Variants in RBFOX1 observed in about 807,000 individuals in gnomAD.
RBFOX1 encodes the protein RNA binding fox-1 homolog 1.
RBFOX1 carries 8 observed loss-of-function variants against 57.7 expected under a neutral mutation model. That is an observed-to-expected ratio of 0.14 (90% confidence interval 0.08 to 0.25). RBFOX1 has a LOEUF of 0.25. Ranked by LOEUF, RBFOX1 falls within the 10% of genes least tolerant of loss-of-function variation. The probability of loss-of-function intolerance (pLI) is 1.00; values close to 1 mark genes in which losing one functional copy is unlikely to be tolerated. For synonymous variants in RBFOX1, 326 were observed against 222.4 expected (o/e 1.47, Z -4.15); for missense variants, 611 against 548.5 (o/e 1.11, Z -1.14).
intron 4 of RBFOX1, among the ~76,000 whole-genome samples, chr16:7,379,264 T>C (rs977161021): frequency 9.9e-5 from 15 of 152,226 alleles, no homozygotes; most frequent in Admixed American, 3.3e-4. Flanking sequence ...AAGAGTTTCA[T>C]TGGTAACTGT....
intron 4 of RBFOX1, among the ~76,000 whole-genome samples, chr16:7,121,457 C>G (rs1452979656): frequency 1.3e-5 from 2 of 151,868 alleles, no homozygotes; most frequent in Admixed American, 6.6e-5. Flanking sequence ...AACTTAAAAA[C>G]AAACCATTTA....
chr16:7,001,588 C>G (rs976212766), intron 3 of RBFOX1, among the ~76,000 whole-genome samples: 2 of 152,102 alleles, frequency 1.3e-5, no homozygotes, highest in African/African-American at 4.8e-5. Context: ...TCCCGAGTAG[C>G]TGGGATTACA....
intron 4 of RBFOX1, among the ~76,000 whole-genome samples, chr16:7,233,363 TTC>T (rs2093609422): frequency 2.0e-5 from 3 of 152,216 alleles, no homozygotes; most frequent in African/African-American, 7.2e-5. Context: ...TGACATGTTA[TTC>T]ACGTGCTTCC....
chr16:7,653,801 C>CTCG lies in RBFOX1; in HGVS notation c.758-12_758-11insGTC. ...AGCCTGTGCTCTCTCTCTCTCTCTC[C>CTCG]TCTTGCCCCGCAGTGCCAGGCTTCC... On this transcript the variant is annotated splice_polypyrimidine_tract_variant and intron_variant, in intron 11 of 15. Transcript: ENST00000550418. The CTCG allele has an allele frequency of 6.3e-7, 1 of 1,583,178 alleles. No homozygotes were observed. Among genetic ancestry groups the CTCG allele is most frequent in the Non-Finnish European group, 8.6e-7 (1 of 1,163,272 alleles).
intron 4 of RBFOX1, among the ~76,000 whole-genome samples, chr16:7,445,516 A>C (rs2098801060): frequency 6.6e-6 from 1 of 152,216 alleles, no homozygotes; most frequent in African/African-American, 2.4e-5. Context: ...TACAGCATCA[A>C]ATAGGAGTGA....
chr16:6,848,153 T>C (rs971844796), intron 3 of RBFOX1, among the ~76,000 whole-genome samples: 1 of 151,932 alleles, frequency 6.6e-6, no homozygotes, highest in African/African-American at 2.4e-5. Flanking sequence ...TAATGCTGTG[T>C]TACCCCACAA....
chr16:6,916,815 T>C (rs2073283659), intron 3 of RBFOX1, among the ~76,000 whole-genome samples: 1 of 152,142 alleles, frequency 6.6e-6, no homozygotes, highest in Non-Finnish European at 1.5e-5. Flanking sequence ...AAGTTTGAAT[T>C]TGTACCTTGA....
intron 14 of RBFOX1, among the ~76,000 whole-genome samples, chr16:7,691,349 A>C (rs2077274092): frequency 6.6e-6 from 1 of 151,566 alleles, no homozygotes; most frequent in Non-Finnish European, 1.5e-5. Context: ...ATAAAATAAA[A>C]ATCAATACAC....
At chr16:7,641,668 G>C (rs1390535457) in intron 11 of RBFOX1, among the ~76,000 whole-genome samples, 1 of 152,112 alleles carries the variant, frequency 6.6e-6, no homozygotes, top group African/African-American at 2.4e-5. Flanking sequence ...CCTTTCTCTG[G>C]CAAGTCCTAA....
chr16:6,732,337 G>C (rs577755658), intron 3 of RBFOX1, among the ~76,000 whole-genome samples: 4 of 152,180 alleles, frequency 2.6e-5, no homozygotes, highest in Non-Finnish European at 5.9e-5. Context: ...AGATTCTCAC[G>C]AGAGAGTGAG....
At chr16:7,582,691 G>A (rs1211675609) in intron 6 of RBFOX1, among the ~76,000 whole-genome samples, 6 of 152,146 alleles carry the variant, frequency 3.9e-5, no homozygotes, top group Non-Finnish European at 7.3e-5. Flanking sequence ...TACTTCTCAC[G>A]TTATTTGGAC....
rs951347551 is a variant in RBFOX1, at chr16:7,043,098, G to T, written c.-15-8959G>T. ...TTGACTGTGCCATTCACGGTATCTTGTTTCTGTATCCTTGGGGAGGTCCTC... is the reference window on the plus strand; with the variant it reads ...TTGACTGTGCCATTCACGGTATCTTTTTTCTGTATCCTTGGGGAGGTCCTC... On this transcript the variant is annotated intron_variant, in intron 3 of 15. Transcript: ENST00000550418. Among the ~76,000 whole-genome samples the T allele has an allele frequency of 2.8e-5, 4 of 142,250 alleles. No individual in the cohort carries two copies. The East Asian group carries it at 9.2e-4, about 33-fold the overall frequency. The allele number at this position is 142,250 out of a possible 152,430, so 93.3% of individuals were successfully genotyped here.
chr16:7,565,774 CTTTT>C (rs746643064), intron 5 of RBFOX1, among the ~76,000 whole-genome samples: 1 of 152,086 alleles, frequency 6.6e-6, no homozygotes, highest in Non-Finnish European at 1.5e-5. Context: ...TCAAAGTACA[CTTTT>C]TATTTATCAC....
intron 3 of RBFOX1, among the ~76,000 whole-genome samples, chr16:5,720,345 C>G (rs1444514134): frequency 6.6e-6 from 1 of 152,084 alleles, no homozygotes; most frequent in Non-Finnish European, 1.5e-5. Flanking sequence ...TGTGTAATTT[C>G]AAATATTTTC....
At chr16:5,831,070 G>T (rs924983358) in intron 3 of RBFOX1, among the ~76,000 whole-genome samples, 5 of 152,280 alleles carry the variant, frequency 3.3e-5, no homozygotes, top group Non-Finnish European at 4.4e-5. Flanking sequence ...TACCCACAGG[G>T]ATACGAGCAT....
chr16:5,555,157 C>G (rs758054054), intron 2 of RBFOX1, among the ~76,000 whole-genome samples: 1 of 152,196 alleles, frequency 6.6e-6, no homozygotes, highest in Non-Finnish European at 1.5e-5. Context: ...TAGCTACCCT[C>G]CGCTATGGAT....
intron 1 of RBFOX1, among the ~76,000 whole-genome samples, chr16:5,293,866 G>A (rs2063596185): frequency 6.6e-6 from 1 of 152,164 alleles, no homozygotes; most frequent in Non-Finnish European, 1.5e-5. Flanking sequence ...TTAACATTGT[G>A]AATGTATTTA....
At chr16:6,242,990 C>G (rs1022087953) in intron 1 of RBFOX1, among the ~76,000 whole-genome samples, 1 of 152,000 alleles carries the variant, frequency 6.6e-6, no homozygotes, top group Non-Finnish European at 1.5e-5. Flanking sequence ...GAGAAAAAGC[C>G]AGGTACATTA....
At chr16:6,877,914 T>C (rs1343457114) in intron 3 of RBFOX1, among the ~76,000 whole-genome samples, 1 of 152,108 alleles carries the variant, frequency 6.6e-6, no homozygotes, top group Non-Finnish European at 1.5e-5. Flanking sequence ...ATCTTGCGAA[T>C]GGTAGTTGCA....
Sources: allele counts gnomAD v4.1 joint callset (sites outside exome capture counted in the v4.1 genomes callset), GRCh38; gene constraint gnomAD v4.1.1; transcripts MANE v1.5; gene names NCBI Gene and HGNC (gene_info 2026-07-23, HGNC 2026-07-21).